Variants in ASZ1 observed in about 807,000 individuals in gnomAD.
ASZ1 encodes the protein ankyrin repeat, SAM and basic leucine zipper domain containing 1.
ASZ1 carries 67 observed loss-of-function variants against 61.8 expected under a neutral mutation model. The observed-to-expected ratio is 1.08, with a 90% CI of 0.89 to 1.33. The LOEUF (loss-of-function observed/expected upper bound fraction) is 1.33. ASZ1 is among the 40% of genes most tolerant of loss of function. ASZ1 has a pLI of 0.00. For missense variants in ASZ1, 577 were observed against 554.5 expected, an observed-to-expected ratio of 1.04 and a Z score of -0.41; for synonymous variants, 193 against 192.7, an observed-to-expected ratio of 1.00 and a Z score of -0.01.
intron 9 of ASZ1, 120 bp downstream of exon 9, chr7:117,380,891 A>C (rs967372878): frequency 1.2e-6 from 1 of 850,560 alleles, no homozygotes; most frequent in Non-Finnish European, 1.9e-6. Flanking sequence ...CTAATCAAGG[A>C]CACAGTAGAA....
rs1795861240 is a variant in ASZ1 at position 117,363,316 on chromosome 7, A to G, written c.*280T>C. The G allele has an allele frequency of 1.0e-5, 2 of 196,480 alleles. No homozygotes were observed. The highest frequency in any genetic ancestry group is 6.0e-5 in the Admixed American group (1 of 16,608). 12.2% of individuals were successfully genotyped at this position (196,480 alleles called of 1,614,324 possible). A position where few individuals can be genotyped will look rare whatever the true frequency, so the allele number is the denominator to read the frequency against. On this transcript the variant is annotated 3_prime_UTR_variant, in exon 13 of 13. Coordinates refer to ENST00000284629, the MANE Select transcript of ASZ1 (RefSeq NM_130768.3). ...ACACACTTTAAAAAATGTCAAAGAT[A>G]TTAGATATAACTTTAATTTTGAATG...
intron 3 of ASZ1, 31 bp from the exon 4 acceptor site, chr7:117,420,305 C>T (rs748544563): frequency 1.1e-5 from 17 of 1,492,550 alleles, no homozygotes; most frequent in Middle Eastern, 1.7e-4. Flanking sequence ...AGGAAAAATC[C>T]CCATACATCA....
chr7:117,374,242 TTTAA>T (rs531955270), intron 10 of ASZ1, among the ~76,000 whole-genome samples: 48 of 152,304 alleles, frequency 3.2e-4, no homozygotes, highest in Non-Finnish European at 5.4e-4. Context: ...TGTTTGTATG[TTTAA>T]TTAATGTTTC....
At chr7:117,376,427 G>T (rs1796137966) in intron 10 of ASZ1, among the ~76,000 whole-genome samples, 1 of 152,044 alleles carries the variant, frequency 6.6e-6, no homozygotes, top group South Asian at 2.1e-4. Flanking sequence ...AAAGGAGGGG[G>T]AATACATCCC....
chr7:117,368,478 A>G, intron 11 of ASZ1, 134 bp downstream of exon 11: 2 of 1,424,686 alleles, frequency 1.4e-6, no homozygotes, highest in Middle Eastern at 2.6e-4. Flanking sequence ...TGACTTATTT[A>G]GATCTTATGT....
intron 4 of ASZ1, among the ~76,000 whole-genome samples, chr7:117,398,497 C>A (rs1584732717): frequency 6.6e-6 from 1 of 152,238 alleles, no homozygotes; most frequent in East Asian, 1.9e-4. Context: ...TATTGTACAG[C>A]CACTATAAAA....
Position 117,381,016 on chromosome 7 carries a change from TA to T in ASZ1, c.939del (p.Phe313LeufsTer23). On this transcript the variant is annotated frameshift_variant, in exon 9 of 13. Transcript: ENST00000284629. LOFTEE classifies it high-confidence loss of function. ...RHLLTMREDE[F>X]TKNGITSKDQ... ...TTTTTGAAATTGATACTAACCTTTG[TA>T]AATTCATCTTCCCTCATGGTCAAAA... 1 of 1,595,172 alleles carries T rather than the reference TA, an allele frequency of 6.3e-7. No homozygotes were observed. The highest frequency in any genetic ancestry group is 8.6e-7 in the Non-Finnish European group (1 of 1,168,562).
intron 4 of ASZ1, among the ~76,000 whole-genome samples, chr7:117,411,571 T>C (rs1417530650): frequency 6.6e-6 from 1 of 151,862 alleles, no homozygotes; most frequent in Non-Finnish European, 1.5e-5. Flanking sequence ...ACAGTTTGGA[T>C]ATAACTTGCA....
chr7:117,425,549 T>C (rs1486531207), intron 2 of ASZ1, among the ~76,000 whole-genome samples: 1 of 152,000 alleles, frequency 6.6e-6, no homozygotes, highest in Non-Finnish European at 1.5e-5. Flanking sequence ...ATTACAGGCG[T>C]GAGCCACCGC....
Position 117,363,361 on chromosome 7 carries a change from C to T in ASZ1, c.*235G>A. Reference sequence around the variant, plus strand: ...TGAATGTGATTTAGATACGATCAAACCAAAAAATTACTTATACTTTACTAC... The same window carrying T: ...TGAATGTGATTTAGATACGATCAAATCAAAAAATTACTTATACTTTACTAC... On this transcript the variant is annotated 3_prime_UTR_variant, in exon 13 of 13. Transcript: ENST00000284629. 3.5e-6 allele frequency: 1 copy of T among 284,680 alleles called. No individual in the cohort carries two copies. The highest frequency in any genetic ancestry group is 6.4e-6 in the Non-Finnish European group (1 of 156,066). 17.6% of individuals were successfully genotyped at this position (284,680 alleles called of 1,614,324 possible). A position where few individuals can be genotyped will look rare whatever the true frequency, so the allele number is the denominator to read the frequency against.
Position 117,422,426 on chromosome 7 carries a change from T to G in ASZ1, c.206-67A>C, listed in dbSNP as rs1361558430. 3.2e-6 allele frequency: 5 copies of G among 1,539,368 alleles called. No homozygotes were observed. The Admixed American group carries it at 9.3e-5, about 28-fold the overall frequency. On this transcript the variant is annotated intron_variant, in intron 2 of 12. Coordinates refer to ENST00000284629, the MANE Select transcript of ASZ1 (RefSeq NM_130768.3). ...AAAGAAAAAAATCAGTCACCTTATA[T>G]GCTTAAAGTACTGTGTAAAGTGACG... is the stretch of plus-strand genomic sequence containing the variant.
At chr7:117,426,788 C>T (rs776445169) in intron 2 of ASZ1, 48 bp downstream of exon 2, 10 of 1,474,822 alleles carry the variant, frequency 6.8e-6, no homozygotes, top group African/African-American at 1.4e-5. Context: ...AGAATCCTTG[C>T]GAACTTAAGA....
intron 4 of ASZ1, among the ~76,000 whole-genome samples, chr7:117,419,324 G>C (rs6979185): frequency 6.6e-6 from 1 of 151,896 alleles, no homozygotes. Context: ...CAAAGATTTG[G>C]GAACTATCTA....
At chr7:117,383,151 A>C (rs762823678) in intron 6 of ASZ1, 41 bp from the exon 7 acceptor site, 2 of 1,474,726 alleles carry the variant, frequency 1.4e-6, no homozygotes, top group Non-Finnish European at 1.8e-6. Context: ...TTAACATTGC[A>C]TACTGTAACT....
At chr7:117,417,014 A>T (rs1009913842) in intron 4 of ASZ1, among the ~76,000 whole-genome samples, 1 of 152,050 alleles carries the variant, frequency 6.6e-6, no homozygotes, top group African/African-American at 2.4e-5. Flanking sequence ...ATTTTTCCCC[A>T]TTTTATCTAA....
intron 4 of ASZ1, among the ~76,000 whole-genome samples, chr7:117,406,347 T>C (rs1473831680): frequency 1.3e-5 from 2 of 152,182 alleles, no homozygotes; most frequent in Non-Finnish European, 2.9e-5. Context: ...AATCCCTGTT[T>C]AAAATATGAA....
In ASZ1 at chr7:117,427,392, A is replaced by C. The variant is rs1317153032; in HGVS notation, c.69T>G (p.Asp23Glu). 2.5e-6 allele frequency: 4 copies of C among 1,614,092 alleles called. No homozygotes were observed. In the Admixed American group the frequency reaches 6.7e-5, roughly 27 times the overall value. ...GGTCGAGATACCCAATCTCCCAGCCATCATCCTCGCTCTCGCTACTCTCGC... is the reference window on the plus strand; with the variant it reads ...GGTCGAGATACCCAATCTCCCAGCCCTCATCCTCGCTCTCGCTACTCTCGC... The part of the protein sequence containing the change: ...GGGESSESED[D>E]GWEIGYLDRT... The change falls in exon 1 of 13, where the codon GAT becomes GAG. Residue 23 changes from aspartate (D) to glutamate (E), a missense_variant. Transcript: ENST00000284629.
chr7:117,379,930 A>G lies in ASZ1; in HGVS notation c.1055+8T>C. 1 of 1,527,010 alleles carries G rather than the reference A, an allele frequency of 6.5e-7. No individual in the cohort carries two copies. Among genetic ancestry groups the G allele is most frequent in the East Asian group, 2.3e-5 (1 of 44,084 alleles). The allele number at this position is 1,527,010 out of a possible 1,614,324, so 94.6% of individuals were successfully genotyped here. ...TATTAATAATATAAACAAATAAGTT[A>G]ATTTTACCTGATTTCCAACTTTGTC... On this transcript the variant is annotated splice_region_variant and intron_variant, in intron 10 of 12. Coordinates refer to ENST00000284629, the MANE Select transcript of ASZ1 (RefSeq NM_130768.3).
intron 4 of ASZ1, among the ~76,000 whole-genome samples, chr7:117,400,182 C>T (rs1251753488): frequency 6.6e-6 from 1 of 152,168 alleles, no homozygotes; most frequent in Non-Finnish European, 1.5e-5. Context: ...TTAATACACT[C>T]AGTTTATAGT....
Sources: allele counts gnomAD v4.1 joint callset (sites outside exome capture counted in the v4.1 genomes callset), GRCh38; gene constraint gnomAD v4.1.1; transcripts MANE v1.5; gene names NCBI Gene and HGNC (gene_info 2026-07-23, HGNC 2026-07-21).